PCDHA4: variants seen among roughly 807,000 people sequenced by gnomAD.
PCDHA4 encodes the protein protocadherin alpha-4.
Under a neutral mutation model 61.4 loss-of-function variants are expected in PCDHA4, and 49 were observed. The ratio of observed to expected loss-of-function variants is 0.80; its 90% CI spans 0.63 to 1.01. The LOEUF (loss-of-function observed/expected upper bound fraction) is 1.01, where lower values mean the gene tolerates loss of function less well. Ranked by LOEUF, PCDHA4 falls within the 50% of genes least tolerant of loss-of-function variation. PCDHA4 has a pLI of 0.00. For synonymous variants in PCDHA4, 590 were observed against 550.3 expected (o/e 1.07, Z -1.01); for missense variants, 1,254 against 1,235.8 (o/e 1.01, Z -0.22).
At chr5:140,830,117 C>G in intron 1 of PCDHA4, 1 of 1,613,510 alleles carries the variant, frequency 6.2e-7, no homozygotes, top group Non-Finnish European at 8.5e-7. Context: ...TGGCCAGGCT[C>G]CAAAGGCGTC....
chr5:140,981,603 C>T (rs1213864255), intron 2 of PCDHA4, among the ~76,000 whole-genome samples: 4 of 152,052 alleles, frequency 2.6e-5, no homozygotes, highest in Non-Finnish European at 5.9e-5. Context: ...CAAAATGTTC[C>T]TCTAATTTTG....
chr5:140,963,207 CCT>C (rs1246984290), intron 1 of PCDHA4, among the ~76,000 whole-genome samples: 4 of 148,438 alleles, frequency 2.7e-5, no homozygotes, highest in East Asian at 1.9e-4. Flanking sequence ...AAAAAAAAAA[CCT>C]CGTGTTTAGA....
intron 1 of PCDHA4, chr5:140,882,334 A>G: frequency 1.2e-6 from 2 of 1,614,176 alleles, no homozygotes; most frequent in Non-Finnish European, 1.7e-6. Flanking sequence ...TGATCCTCGC[A>G]GCCTGGGAGA....
chr5:140,822,880 G>A (rs1405488248), intron 1 of PCDHA4: 6 of 1,614,120 alleles, frequency 3.7e-6, no homozygotes, highest in Non-Finnish European at 5.1e-6. Context: ...CACGGTCATT[G>A]CTCTGATCAG....
intron 1 of PCDHA4, chr5:140,858,289 T>C: frequency 6.3e-7 from 1 of 1,597,184 alleles, no homozygotes; most frequent in Non-Finnish European, 8.6e-7. Flanking sequence ...GGAGCTGGTC[T>C]TACTCGCAGC....
Position 140,848,347 on chromosome 5 carries a change from C to T in PCDHA4, c.2385+38775C>T. On this transcript the variant is annotated intron_variant, in intron 1 of 3. Coordinates refer to ENST00000530339, the MANE Select transcript of PCDHA4 (RefSeq NM_018907.4). ...CTCTCTGAATCCAGACAAATACAGC[C>T]CTTTTCCCATGGGAAAGAGGCTCAA... The T allele has an allele frequency of 5.3e-6, 5 of 935,472 alleles. 1 individual carries two copies. The highest frequency in any genetic ancestry group is 8.2e-6 in the Non-Finnish European group (5 of 611,314). 57.9% of individuals were successfully genotyped at this position (935,472 alleles called of 1,614,324 possible). A position where few individuals can be genotyped will look rare whatever the true frequency, so the allele number is the denominator to read the frequency against.
At position 140,828,473 on chromosome 5, in the gene PCDHA4, G is replaced by C. The variant is rs1269610304; in HGVS notation, c.2385+18901G>C. On this transcript the variant is annotated intron_variant, in intron 1 of 3. Coordinates refer to ENST00000530339, the MANE Select transcript of PCDHA4 (RefSeq NM_018907.4). The stretch of plus-strand genomic sequence containing the variant: ...GGACGTGGAGGTGAGGGACATTAAC[G>C]ACAACCCGCCCTTGTTCCCGGTAGA... 7 of 1,614,130 alleles carry C rather than the reference G, an allele frequency of 4.3e-6. No homozygotes were observed. In the Admixed American group the frequency reaches 6.7e-5, roughly 15 times the overall value.
chr5:140,817,568 T>A (rs1373066200), intron 1 of PCDHA4: 1 of 152,252 alleles, frequency 6.6e-6, no homozygotes, highest in African/African-American at 2.4e-5. Flanking sequence ...ATTACCTCAA[T>A]TAAATCAATA....
intron 1 of PCDHA4, chr5:140,884,300 G>C (rs2060088357): frequency 6.2e-7 from 1 of 1,613,712 alleles, no homozygotes; most frequent in Non-Finnish European, 8.5e-7. Context: ...AGCGCCACAG[G>C]CTTCGTCGAG....
At chr5:140,815,254 C>CT (rs1554126711) in intron 1 of PCDHA4, 1 of 152,030 alleles carries the variant, frequency 6.6e-6, no homozygotes, top group African/African-American at 2.4e-5. Flanking sequence ...AGCTTGTAGA[C>CT]TTTTTGCTCC....
At chr5:140,967,884 C>T (rs2096194386) in intron 1 of PCDHA4, 2 of 1,614,050 alleles carry the variant, frequency 1.2e-6, no homozygotes, top group African/African-American at 1.3e-5. Context: ...CTGTATAGCC[C>T]AGTGCCTGAG....
intron 1 of PCDHA4, chr5:140,823,005 C>A (rs2150121169): frequency 1.9e-6 from 3 of 1,614,228 alleles, no homozygotes; most frequent in South Asian, 1.1e-5. Flanking sequence ...TGCTGGACAG[C>A]GCCCTGGACC....
chr5:140,967,487 G>A lies in PCDHA4; in HGVS notation c.2386-11462G>A, dbSNP rs781929483. 60 of 1,613,172 alleles carry A rather than the reference G, an allele frequency of 3.7e-5. No individual in the cohort carries two copies. The highest frequency in any genetic ancestry group is 5.0e-5 in the Non-Finnish European group (59 of 1,179,674). ...GGGCATCCCAGCCCGCTCGGGTACG[G>A]CACAGATCTCTGTGCGTGTCCTGGA... On this transcript the variant is annotated intron_variant, in intron 1 of 3. Coordinates refer to ENST00000530339, the MANE Select transcript of PCDHA4 (RefSeq NM_018907.4).
chr5:140,883,091 G>A lies in PCDHA4; in HGVS notation c.2385+73519G>A, dbSNP rs782433695. The A allele has an allele frequency of 1.9e-6, 3 of 1,613,994 alleles. No individual in the cohort carries two copies. In the African/African-American group the frequency reaches 4.0e-5, roughly 22 times the overall value. ...CACAGATCCTGATGATGGTACAAAT[G>A]GAGATATAGTTTACTCATTTAGAAG... On this transcript the variant is annotated intron_variant, in intron 1 of 3. Coordinates refer to ENST00000530339, the MANE Select transcript of PCDHA4 (RefSeq NM_018907.4).
intron 1 of PCDHA4, among the ~76,000 whole-genome samples, chr5:140,975,576 C>G (rs1170899911): frequency 6.6e-6 from 1 of 152,208 alleles, no homozygotes; most frequent in Non-Finnish European, 1.5e-5. Flanking sequence ...TATATGCAGT[C>G]TCATGTCCCA....
Position 140,877,703 on chromosome 5 carries a change from C to T in PCDHA4, c.2385+68131C>T, listed in dbSNP as rs781946062. On this transcript the variant is annotated intron_variant, in intron 1 of 3. Coordinates refer to ENST00000530339, the MANE Select transcript of PCDHA4 (RefSeq NM_018907.4). ...AAGCCCACGCTGGTGTGCTCCAGCG[C>T]CGTGGGGAGTTGGTCTTACTCGCAG... 4 of 1,613,986 alleles carry T rather than the reference C, an allele frequency of 2.5e-6. No individual in the cohort carries two copies. In the East Asian group the frequency reaches 8.9e-5, roughly 36 times the overall value.
chr5:140,961,704 C>T (rs1381981839), intron 1 of PCDHA4, among the ~76,000 whole-genome samples: 1 of 152,086 alleles, frequency 6.6e-6, no homozygotes, highest in African/African-American at 2.4e-5. Flanking sequence ...GTATGAATGC[C>T]TTCATTTCTA....
intron 1 of PCDHA4, chr5:140,968,774 C>T (rs2096269643): frequency 6.2e-7 from 1 of 1,614,088 alleles, no homozygotes. Flanking sequence ...AGAGCCATCA[C>T]TATCAGCCTC....
intron 1 of PCDHA4, chr5:140,862,600 TTCG>T (rs1554156642): frequency 1.9e-6 from 1 of 513,664 alleles, no homozygotes; most frequent in East Asian, 5.2e-5. Context: ...GTACATGGTG[TTCG>T]TGAAAGGTAA....
Sources: gnomAD v4.1 joint callset for allele counts (sites outside exome capture counted in the v4.1 genomes callset) on GRCh38, gnomAD v4.1.1 for gene constraint, MANE v1.5 for transcripts, NCBI Gene and HGNC (gene_info 2026-07-23, HGNC 2026-07-21) for gene names.